The following PTPRF variants were observed in gnomAD, a reference collection of about 807,000 sequenced individuals.
The protein encoded by PTPRF is protein tyrosine phosphatase receptor type F.
Under a neutral mutation model 201.8 loss-of-function variants are expected in PTPRF, and 59 were observed. That is an observed-to-expected ratio of 0.29 (90% CI 0.24 to 0.36). PTPRF has a LOEUF of 0.36. Ranked by LOEUF, PTPRF falls within the 10% of genes least tolerant of loss-of-function variation. The probability of loss-of-function intolerance (pLI) is 1.00; values close to 1 mark genes in which losing one functional copy is unlikely to be tolerated. For missense variants in PTPRF, 2,132 were observed against 2,690.5 expected (o/e 0.79, Z 4.59); for synonymous variants, 1,088 against 1,089.7 (o/e 1.00, Z 0.03).
intron 7 of PTPRF, among the ~76,000 whole-genome samples, chr1:43,582,165 C>CT (rs1647844199): frequency 6.6e-6 from 1 of 152,216 alleles, no homozygotes. Flanking sequence ...GTGTCGCTCT[C>CT]TGAGGCCACG....
chr1:43,592,902 A>C, intron 11 of PTPRF, among the ~76,000 whole-genome samples: 1 of 148,306 alleles, frequency 6.7e-6, no homozygotes. Flanking sequence ...CTCCGCCCCC[A>C]CTCTGTGCTG....
At chr1:43,607,478 G>T (rs1655402507) in intron 21 of PTPRF, among the ~76,000 whole-genome samples, 1 of 152,202 alleles carries the variant, frequency 6.6e-6, no homozygotes, top group African/African-American at 2.4e-5. Flanking sequence ...AGCGGCCTCA[G>T]CCTCAGTGTG....
intron 7 of PTPRF, among the ~76,000 whole-genome samples, chr1:43,585,426 C>T (rs921249921): frequency 6.6e-6 from 1 of 152,126 alleles, no homozygotes; most frequent in Non-Finnish European, 1.5e-5. Flanking sequence ...AGTAACGTTT[C>T]TGCGTGGCTG....
At chr1:43,574,820 A>G (rs1450149517) in intron 6 of PTPRF, among the ~76,000 whole-genome samples, 1 of 152,176 alleles carries the variant, frequency 6.6e-6, no homozygotes, top group East Asian at 1.9e-4. Flanking sequence ...TGGGCAGGCT[A>G]TGAGTTAGAT....
Position 43,620,143 on chromosome 1 carries a change from C to G in PTPRF, c.5160C>G (p.Thr1720=). 6.2e-7 allele frequency: 1 copy of G among 1,614,078 alleles called. No homozygotes were observed. The highest frequency in any genetic ancestry group is 8.5e-7 in the Non-Finnish European group (1 of 1,179,958). Residue 1720 remains threonine (T), a synonymous_variant, in exon 30 of 34, where the codon ACC becomes ACG. Transcript: ENST00000359947. ...CACAGGGGCCTCTGGCAGAGAGCAC[C>G]GAGGACTTCTGGCGCATGCTATGGG... ...IATQGPLAES[T]EDFWRMLWEH... is the part of the protein sequence containing the mutation.
intron 23 of PTPRF, 120 bp downstream of exon 23, chr1:43,613,835 A>G (rs1657079905): frequency 1.2e-6 from 1 of 860,650 alleles, no homozygotes; most frequent in Non-Finnish European, 1.9e-6. Flanking sequence ...TTTCAGGAGC[A>G]CAGAGAGGAG....
chr1:43,621,045 A>AC (rs1480797698), intron 32 of PTPRF, 52 bp from the exon 33 acceptor site: 1 of 1,610,652 alleles, frequency 6.2e-7, no homozygotes, highest in African/African-American at 1.3e-5. Context: ...GGCCTGGCAG[A>AC]CCCACTGCAT....
chr1:43,553,335 C>G lies in PTPRF; in HGVS notation c.92-157C>G, dbSNP rs1645149498. On this transcript the variant is annotated intron_variant, in intron 3 of 33. Transcript: ENST00000359947. This position sits in a 1 kb window ranked among gnomAD's most constrained non-coding sequence, Gnocchi z 4.1. ...ACAGAGTTAAAAAATGTTAAACTCT[C>G]TGAACAGTGCCTGGCACATACTAAG... Among the ~76,000 whole-genome samples, 1 of 152,206 alleles carries G rather than the reference C, an allele frequency of 6.6e-6. No individual in the cohort carries two copies. Among genetic ancestry groups the G allele is most frequent in the Non-Finnish European group, 1.5e-5 (1 of 68,032 alleles).
intron 5 of PTPRF, among the ~76,000 whole-genome samples, chr1:43,558,457 T>C (rs1645547489): frequency 6.6e-6 from 1 of 152,034 alleles, no homozygotes; most frequent in Non-Finnish European, 1.5e-5. Context: ...TTATTCCCAG[T>C]GTGGCCTCCC....
At chr1:43,566,338 A>G (rs1646185223) in intron 5 of PTPRF, among the ~76,000 whole-genome samples, 1 of 152,232 alleles carries the variant, frequency 6.6e-6, no homozygotes, top group Admixed American at 6.5e-5. Flanking sequence ...GATTTAAGTC[A>G]TTTTGTAAAG....
At chr1:43,573,490 C>T (rs189360685) in intron 6 of PTPRF, among the ~76,000 whole-genome samples, 1 of 152,350 alleles carries the variant, frequency 6.6e-6, no homozygotes, top group Non-Finnish European at 1.5e-5. Flanking sequence ...CAGGAGGAGG[C>T]CCGTGGGTGG....
At chr1:43,575,818 T>A in intron 6 of PTPRF, 13 of 1,196,386 alleles carry the variant, frequency 1.1e-5, no homozygotes, top group Non-Finnish European at 1.5e-5. Context: ...TTTCTTGTGT[T>A]TTATTTTACC....
At position 43,620,577 on chromosome 1, in the gene PTPRF, C is replaced by T. The variant is rs746786262; in HGVS notation, c.5362C>T (p.Arg1788Trp). ...ILREFKVTDARDGQSRTIRQF... is the reference protein window; with the variant it reads ...ILREFKVTDAWDGQSRTIRQF... ...GCGTGAGTTCAAGGTCACGGATGCC[C>T]GGGTGAGTGAGTGCATTGAGTGTGT... The change falls in exon 31 of 34, where the codon CGG (arginine) becomes TGG (tryptophan). Residue 1788 changes from arginine (R) to tryptophan (W), a missense_variant and splice_region_variant. Arg to Trp is a moderately radical substitution (Grantham distance 101). Coordinates refer to ENST00000359947, the MANE Select transcript of PTPRF (RefSeq NM_002840.5). The T allele has an allele frequency of 8.1e-6, 13 of 1,613,252 alleles. No individual in the cohort carries two copies. Among genetic ancestry groups the T allele is most frequent in the South Asian group, 5.5e-5 (5 of 90,958 alleles).
chr1:43,576,979 C>G (rs546206914), intron 6 of PTPRF, among the ~76,000 whole-genome samples: 1 of 152,294 alleles, frequency 6.6e-6, no homozygotes, highest in East Asian at 1.9e-4. Context: ...TGTGGTGACT[C>G]TTTGTTGTCC....
chr1:43,544,245 G>A (rs1302763933), intron 2 of PTPRF, among the ~76,000 whole-genome samples: 1 of 152,230 alleles, frequency 6.6e-6, no homozygotes, highest in East Asian at 1.9e-4. Flanking sequence ...CAGAAGAGAT[G>A]TGAGGTTTGA....
chr1:43,612,631 T>A, intron 22 of PTPRF: 2 of 580,900 alleles, frequency 3.4e-6, no homozygotes, highest in Non-Finnish European at 5.8e-6. Flanking sequence ...CGCCCCCTCC[T>A]CTTCTCCGCC....
chr1:43,529,610 G>A (rs541243805), upstream of PTPRF, among the ~76,000 whole-genome samples: 2 of 152,102 alleles, frequency 1.3e-5, no homozygotes, highest in Non-Finnish European at 2.9e-5. Context: ...CATCCTTCAT[G>A]GTGAAGCCTA....
In PTPRF at chr1:43,617,794, T is replaced by C. The variant is rs1658232183; in HGVS notation, c.4254T>C (p.Asn1418=). 3 of 1,614,082 alleles carry C rather than the reference T, an allele frequency of 1.9e-6. No homozygotes were observed. The highest frequency in any genetic ancestry group is 2.5e-6 in the Non-Finnish European group (3 of 1,180,014). Residue 1418 remains asparagine, a synonymous_variant, in exon 25 of 34, where the codon AAT becomes AAC. Transcript: ENST00000359947. ...ACATCGATGGCTACCGCAAGCAGAA[T>C]GCCTACATCGCCACGCAGGGCCCCC... ...ANYIDGYRKQ[N]AYIATQGPLP... is the part of the protein sequence containing the mutation.
chr1:43,602,638 G>C (rs1322816305), intron 14 of PTPRF, among the ~76,000 whole-genome samples: 1 of 152,128 alleles, frequency 6.6e-6, no homozygotes, highest in Non-Finnish European at 1.5e-5. Context: ...TCCCTGCCCT[G>C]CTTCCCACTC....
Sources: allele counts gnomAD v4.1 joint callset (sites outside exome capture counted in the v4.1 genomes callset), GRCh38; gene constraint gnomAD v4.1.1; non-coding constraint Gnocchi (gnomAD v3.1); transcripts MANE v1.5; gene names NCBI Gene and HGNC (gene_info 2026-07-23, HGNC 2026-07-21).